Variants in BFSP2 observed in about 807,000 individuals in gnomAD.
The protein encoded by BFSP2 is phakinin.
In BFSP2, 38 loss-of-function variants were observed where a neutral mutation model predicts 44.9. The ratio of observed to expected loss-of-function variants is 0.85; its 90% CI spans 0.65 to 1.11. BFSP2 has a LOEUF of 1.11. Ranked by LOEUF, BFSP2 falls within the 50% of genes least tolerant of loss-of-function variation. The pLI is 0.00. For synonymous variants in BFSP2, 197 were observed against 209.9 expected, an observed-to-expected ratio of 0.94 and a Z score of 0.53; for missense variants, 525 against 533.0, an observed-to-expected ratio of 0.99 and a Z score of 0.15.
At chr3:133,432,155 G>A (rs1053028559) in intron 1 of BFSP2, among the ~76,000 whole-genome samples, 3 of 152,040 alleles carry the variant, frequency 2.0e-5, no homozygotes, top group Admixed American at 1.3e-4. Flanking sequence ...GTTATCACTC[G>A]CCTGCTACAG....
chr3:133,450,056 AAGAG>A (rs138954972), intron 3 of BFSP2, among the ~76,000 whole-genome samples: 3,121 of 139,540 alleles, frequency 0.022, 106 homozygotes, highest in African/African-American at 0.077. Context: ...GGAAGAAAGA[AAGAG>A]AGAGAAGGAA....
At chr3:133,461,530 G>A (rs1425291153) in intron 4 of BFSP2, among the ~76,000 whole-genome samples, 1 of 152,098 alleles carries the variant, frequency 6.6e-6, no homozygotes, top group Non-Finnish European at 1.5e-5. Flanking sequence ...CTATCCTCAG[G>A]GGCTAGATGA....
chr3:133,467,064 A>T, intron 5 of BFSP2, 105 bp downstream of exon 5: 1 of 1,493,996 alleles, frequency 6.7e-7, no homozygotes, highest in South Asian at 1.2e-5. Context: ...CCCATCTCAC[A>T]GCATATGAGT....
chr3:133,474,536 G>A (rs140418652), intron 6 of BFSP2, among the ~76,000 whole-genome samples: 1 of 152,180 alleles, frequency 6.6e-6, no homozygotes, highest in Admixed American at 6.5e-5. Context: ...GATTATAAAA[G>A]CCAGATGTTC....
chr3:133,467,546 A>G (rs989535627), intron 5 of BFSP2, among the ~76,000 whole-genome samples: 1 of 152,116 alleles, frequency 6.6e-6, no homozygotes, highest in African/African-American at 2.4e-5. Flanking sequence ...CTGCTTCTGG[A>G]GAACCCAACC....
chr3:133,430,939 C>T (rs529217335), intron 1 of BFSP2, among the ~76,000 whole-genome samples: 7 of 152,174 alleles, frequency 4.6e-5, no homozygotes, highest in Admixed American at 1.3e-4. Context: ...AGCCCTCCCC[C>T]ACCTGCCCAG....
chr3:133,474,612 CA>C (rs1414607905), intron 6 of BFSP2, among the ~76,000 whole-genome samples: 4 of 152,086 alleles, frequency 2.6e-5, no homozygotes, highest in Non-Finnish European at 5.9e-5. Context: ...TCAATTTAAA[CA>C]AACAGCAAGA....
At chr3:133,442,897 G>A (rs1362933977) in intron 1 of BFSP2, among the ~76,000 whole-genome samples, 1 of 150,242 alleles carries the variant, frequency 6.7e-6, no homozygotes, top group Non-Finnish European at 1.5e-5. Context: ...CACTCTTGTT[G>A]CCCAGGCTGG....
At chr3:133,430,353 C>T (rs1176965655) in intron 1 of BFSP2, among the ~76,000 whole-genome samples, 2 of 151,380 alleles carry the variant, frequency 1.3e-5, no homozygotes, top group African/African-American at 4.9e-5. Context: ...AACGGTTGAA[C>T]TAGTTTACAG....
chr3:133,414,948 C>CT (rs1576561339), intron 1 of BFSP2, among the ~76,000 whole-genome samples: 39 of 139,586 alleles, frequency 2.8e-4, no homozygotes, highest in East Asian at 4.4e-4. Context: ...TCTACTCACC[C>CT]TGCCATCTCC....
At chr3:133,436,349 T>C (rs1267434774) in intron 1 of BFSP2, among the ~76,000 whole-genome samples, 3 of 142,712 alleles carry the variant, frequency 2.1e-5, no homozygotes, top group Admixed American at 2.1e-4. Flanking sequence ...AAAAAAAATC[T>C]ATGTATTGTT....
intron 1 of BFSP2, among the ~76,000 whole-genome samples, chr3:133,436,432 C>G (rs1413607565): frequency 1.3e-5 from 2 of 149,218 alleles, no homozygotes; most frequent in East Asian, 3.9e-4. Context: ...ATGACTTTTT[C>G]TGTTGATAGG....
In BFSP2 at chr3:133,466,777, G is replaced by C. The variant is rs534826208; in HGVS notation, c.892-51G>C. 3.7e-4 allele frequency: 598 copies of C among 1,607,200 alleles called. 4 individuals carry two copies. The South Asian group carries it at 5.7e-3, about 15-fold the overall frequency. On this transcript the variant is annotated intron_variant, in intron 4 of 6. Coordinates refer to ENST00000302334, the MANE Select transcript of BFSP2 (RefSeq NM_003571.4). ...TTAGAAAGGCTGGGAAGGAAGGATG[G>C]GCTCAGATTTCTGATCATCACCGCT...
intron 1 of BFSP2, among the ~76,000 whole-genome samples, chr3:133,440,226 CATGATTCA>C (rs56286685): frequency 0.91 from 137,511 of 151,596 alleles, 62,582 homozygotes; most frequent in Non-Finnish European, 0.94. Flanking sequence ...AACCTACCCC[CATGATTCA>C]ATGATTCAAT....
At chr3:133,429,177 A>G (rs1434754726) in intron 1 of BFSP2, 1 of 151,874 alleles carries the variant, frequency 6.6e-6, no homozygotes, top group East Asian at 1.9e-4. Flanking sequence ...TTTACTACAT[A>G]TGTATAAAAC....
In BFSP2 at chr3:133,431,368, C is replaced by T. The variant is rs181344302; in HGVS notation, c.490-15949C>T. On this transcript the variant is annotated intron_variant, in intron 1 of 6. Coordinates refer to ENST00000302334, the MANE Select transcript of BFSP2 (RefSeq NM_003571.4). ...AAACACCTGAACCGCAGCAGCCAGGCGTTCCTCCAGAACCTCCTCCCCCAG... is the reference window on the plus strand; with the variant it reads ...AAACACCTGAACCGCAGCAGCCAGGTGTTCCTCCAGAACCTCCTCCCCCAG... Among the ~76,000 whole-genome samples the T allele has an allele frequency of 1.8e-4, 27 of 152,300 alleles. 1 individual carries two copies. In the South Asian group the frequency reaches 2.7e-3, roughly 15 times the overall value.
At chr3:133,409,480 T>C (rs1363243796) in intron 1 of BFSP2, among the ~76,000 whole-genome samples, 3 of 152,186 alleles carry the variant, frequency 2.0e-5, no homozygotes, top group Non-Finnish European at 4.4e-5. Context: ...CTAGAAGCAA[T>C]GGCCAACTTA....
chr3:133,418,496 T>C (rs1169590204), intron 1 of BFSP2, among the ~76,000 whole-genome samples: 1 of 152,074 alleles, frequency 6.6e-6, no homozygotes, highest in Non-Finnish European at 1.5e-5. Context: ...GGAGATTGCC[T>C]GGGAAATGAG....
chr3:133,403,997 G>A, intron 1 of BFSP2, among the ~76,000 whole-genome samples: 1 of 83,466 alleles, frequency 1.2e-5, no homozygotes, highest in East Asian at 2.7e-4. Flanking sequence ...TGGGGAGGGG[G>A]GAATCTTCCT....
Sources: gnomAD v4.1 joint callset for allele counts (sites outside exome capture counted in the v4.1 genomes callset) on GRCh38, gnomAD v4.1.1 for gene constraint, MANE v1.5 for transcripts, NCBI Gene and HGNC (gene_info 2026-07-23, HGNC 2026-07-21) for gene names.